The following ARHGAP23 variants were observed in gnomAD, a reference collection of about 807,000 sequenced individuals.
The protein encoded by ARHGAP23 is Rho GTPase activating protein 23, also known as rho GTPase-activating protein 23.
In ARHGAP23, 34 loss-of-function variants were observed where a neutral mutation model predicts 136.3. That is an observed-to-expected ratio of 0.25 (90% CI 0.19 to 0.33). The LOEUF is 0.33. ARHGAP23 is among the 10% of genes least tolerant of loss of function. The probability of loss-of-function intolerance (pLI) is 1.00; values close to 1 mark genes in which losing one functional copy is unlikely to be tolerated. For synonymous variants in ARHGAP23, 832 were observed against 920.5 expected (o/e 0.90, Z 1.74); for missense variants, 1,808 against 2,139.0 (o/e 0.85, Z 3.05).
chr17:38,460,664 T>A (rs1597786828), intron 2 of ARHGAP23, among the ~76,000 whole-genome samples: 1 of 152,172 alleles, frequency 6.6e-6, no homozygotes, highest in Non-Finnish European at 1.5e-5. Flanking sequence ...TTGGGTCACT[T>A]GTTGGATTGC....
In ARHGAP23 at chr17:38,435,802, T is replaced by C. The variant is rs139356058; in HGVS notation, c.63+7254T>C. On this transcript the variant is annotated intron_variant, in intron 1 of 23. Transcript: ENST00000622683. ...TTTTAGTAGAGATGGGCGTTCACCATGTTGGTCAGGCTGGTCTCAAACTCC... is the reference window on the plus strand; with the variant it reads ...TTTTAGTAGAGATGGGCGTTCACCACGTTGGTCAGGCTGGTCTCAAACTCC... Among the ~76,000 whole-genome samples the C allele has an allele frequency of 4.7e-3, 714 of 152,296 alleles. 7 individuals carry two copies. The highest frequency in any genetic ancestry group is 0.016 in the African/African-American group (663 of 41,552).
rs1376268521 is a variant in ARHGAP23, at chr17:38,486,154, G to A, written c.2986+14G>A. The A allele has an allele frequency of 1.9e-6, 3 of 1,549,924 alleles. No homozygotes were observed. Among genetic ancestry groups the A allele is most frequent in the Non-Finnish European group, 2.6e-6 (3 of 1,145,594 alleles). ...TTTTCACTGATGGTGAGTAGGAGGT[G>A]GAAGTGGGGCGGGGAGGGGACACCA... On this transcript the variant is annotated intron_variant, in intron 17 of 23. Coordinates refer to ENST00000622683, the MANE Select transcript of ARHGAP23 (RefSeq NM_001199417.2).
Position 38,477,888 on chromosome 17 carries a change from G to A in ARHGAP23, c.2428G>A (p.Glu810Lys), listed in dbSNP as rs2039935442. ...IRAIRENSRA[E>K]GEDPGCANQA... is the part of the protein sequence containing the mutation. The stretch of plus-strand genomic sequence containing the variant: ...AGCGATCCGGGAGAACAGCAGGGCC[G>A]AGGGCGAGGTGAGGGCCCGGCCAGC... The change falls in exon 12 of 24, where the codon GAG becomes AAG. Residue 810 changes from glutamate (E) to lysine (K), a missense_variant. By Grantham distance (56) the Glu-to-Lys change is moderately conservative. Coordinates refer to ENST00000622683, the MANE Select transcript of ARHGAP23 (RefSeq NM_001199417.2). This position sits in a 1 kb window ranked among gnomAD's most constrained non-coding sequence, Gnocchi z 6.6. 1 of 1,547,994 alleles carries A rather than the reference G, an allele frequency of 6.5e-7. No individual in the cohort carries two copies.
chr17:38,482,554 G>A lies in ARHGAP23; in HGVS notation c.2783G>A (p.Arg928His), dbSNP rs572206818. Residue 928 changes from arginine (R) to histidine (H), a missense_variant, in exon 16 of 24, where the codon CGC becomes CAC. Around this residue, in one of 7 missense-constraint regions of ARHGAP23, gnomAD observed 105 missense variants for 200.6 expected, o/e 0.52. Transcript: ENST00000622683. Reference protein sequence around the residue: ...RVPLIVAACCRIVEARGLEST... With the variant: ...RVPLIVAACCHIVEARGLEST... ...CCCTTAATCGTGGCTGCATGCTGTC[G>A]CATTGTGGAGGCACGAGGGCTGGAG... 15 of 1,548,912 alleles carry A rather than the reference G, an allele frequency of 9.7e-6. No individual in the cohort carries two copies. The highest frequency in any genetic ancestry group is 2.4e-5 in the South Asian group (2 of 83,908).
rs1466933539 is a variant in ARHGAP23, at chr17:38,419,281, T to TG, written n.3dup. ...TCGAGCGCTGACACCAGCCGCTACT[T>TG]GCGCTTGGCGGTCGCCGGGTGCAGC... is the stretch of plus-strand genomic sequence containing the variant. On this transcript the variant is annotated non_coding_transcript_exon_variant, in exon 1 of 5. Transcript: ENST00000633445. The TG allele has an allele frequency of 2.0e-5, 3 of 150,610 alleles. No homozygotes were observed. In the East Asian group the frequency reaches 6.1e-4, roughly 30 times the overall value. The allele number at this position is 150,610 out of a possible 1,614,324, so 9.3% of individuals were successfully genotyped here. A position where few individuals can be genotyped will look rare whatever the true frequency, so the allele number is the denominator to read the frequency against.
chr17:38,479,183 C>G (rs1821753667), intron 12 of ARHGAP23, among the ~76,000 whole-genome samples: 1 of 152,202 alleles, frequency 6.6e-6, no homozygotes, highest in Non-Finnish European at 1.5e-5. Context: ...GATTCTGCAC[C>G]CGGCCCTGAG....
chr17:38,434,590 C>G (rs1049576766), intron 1 of ARHGAP23, among the ~76,000 whole-genome samples: 1 of 152,126 alleles, frequency 6.6e-6, no homozygotes, highest in Admixed American at 6.5e-5. Context: ...GTGTGTGGGC[C>G]GGAGGAATGT....
At chr17:38,491,079 G>A (rs1266869411) in intron 19 of ARHGAP23, among the ~76,000 whole-genome samples, 5 of 74,360 alleles carry the variant, frequency 6.7e-5, no homozygotes, top group Admixed American at 5.7e-4. Flanking sequence ...GAAGTGATCG[G>A]ATTATTTCCC....
At position 38,464,933 on chromosome 17, in the gene ARHGAP23, G is replaced by A. The variant is rs572488165; in HGVS notation, c.484-1234G>A. Among the ~76,000 whole-genome samples, 41 of 152,302 alleles carry A rather than the reference G, an allele frequency of 2.7e-4. No homozygotes were observed. The East Asian group carries it at 5.4e-3, about 20-fold the overall frequency. On this transcript the variant is annotated intron_variant, in intron 6 of 23. Transcript: ENST00000622683. ...CAGCTGCTGACGCCACCACCGACGC[G>A]GCGAGGCCCCTCCACACCCATCCTC...
At chr17:38,459,580 AG>A (rs1369512178) in intron 2 of ARHGAP23, among the ~76,000 whole-genome samples, 2 of 152,126 alleles carry the variant, frequency 1.3e-5, no homozygotes, top group African/African-American at 4.8e-5. Context: ...TGCTGCCCCC[AG>A]CATCTTCTCT....
intron 11 of ARHGAP23, among the ~76,000 whole-genome samples, chr17:38,475,306 A>G (rs1713960808): frequency 6.6e-6 from 1 of 152,068 alleles, no homozygotes; most frequent in South Asian, 2.1e-4. Flanking sequence ...CAACTCTCTC[A>G]CTCATTTACC....
upstream of ARHGAP23, chr17:38,428,390 C>CCCA (rs1555574676): frequency 4.4e-6 from 2 of 453,804 alleles, no homozygotes; most frequent in Non-Finnish European, 6.7e-6. Context: ...GGGGCCCCCC[C>CCCA]ACACCGCGCT....
intron 1 of ARHGAP23, among the ~76,000 whole-genome samples, chr17:38,443,266 C>T (rs2038958741): frequency 6.6e-6 from 1 of 152,220 alleles, no homozygotes. Context: ...GGTGGAGAGC[C>T]AGGAGTTGCA....
At chr17:38,446,077 C>T (rs1450159796) in intron 1 of ARHGAP23, among the ~76,000 whole-genome samples, 2 of 149,624 alleles carry the variant, frequency 1.3e-5, no homozygotes, top group African/African-American at 2.5e-5. Context: ...TGTAGTGGCG[C>T]GATTTCAGCT....
intron 10 of ARHGAP23, 88 bp downstream of exon 10, chr17:38,469,992 G>C: frequency 6.8e-7 from 1 of 1,463,936 alleles, no homozygotes. Flanking sequence ...CCTCGGCATG[G>C]GGGTTCCTGC....
chr17:38,503,150 C>G (rs2040558280), intron 23 of ARHGAP23, among the ~76,000 whole-genome samples: 1 of 152,168 alleles, frequency 6.6e-6, no homozygotes, highest in Admixed American at 6.6e-5. Context: ...AGAGCTGGGC[C>G]CAGAGCCCGT....
At position 38,466,331 on chromosome 17, in the gene ARHGAP23, C is replaced by T; in HGVS notation, c.648C>T (p.Pro216=). ...TGCCTGAGCCCACCTCAGCACTGCC[C>T]AGTGACCCCCGGAGTCCTGCTGCCT... The part of the protein sequence containing the change: ...TMVPEPTSAL[P]SDPRSPAAWS... Residue 216 remains proline (P), a synonymous_variant, in exon 7 of 24, where the codon CCC becomes CCT. Coordinates refer to ENST00000622683, the MANE Select transcript of ARHGAP23 (RefSeq NM_001199417.2). The T allele has an allele frequency of 1.3e-6, 2 of 1,544,474 alleles. No homozygotes were observed. Among genetic ancestry groups the T allele is most frequent in the Non-Finnish European group, 1.7e-6 (2 of 1,146,602 alleles).
At position 38,428,520 on chromosome 17, in the gene ARHGAP23, C is replaced by T. The variant is rs990867505; in HGVS notation, c.35C>T (p.Pro12Leu). Residue 12 changes from proline to leucine, a missense_variant, in exon 1 of 24, where the codon CCG (proline) becomes CTG (leucine). Coordinates refer to ENST00000622683, the MANE Select transcript of ARHGAP23 (RefSeq NM_001199417.2). ...GTCGCCTTCTGCCTGGTCGGGATCC[C>T]GCCCCGCCCGGAGCCCCGGCCCCCA... ...NGVAFCLVGI[P>L]PRPEPRPPQL... 35 of 1,455,174 alleles carry T rather than the reference C, an allele frequency of 2.4e-5. No individual in the cohort carries two copies. Among genetic ancestry groups the T allele is most frequent in the Non-Finnish European group, 3.1e-5 (34 of 1,107,366 alleles). 90.1% of individuals were successfully genotyped at this position (1,455,174 alleles called of 1,614,324 possible).
chr17:38,495,501 G>A (rs1181655811), intron 20 of ARHGAP23, among the ~76,000 whole-genome samples: 1 of 152,134 alleles, frequency 6.6e-6, no homozygotes, highest in Admixed American at 6.5e-5. Context: ...CCAAAGTGCT[G>A]GGACTATAGG....
Sources: allele counts gnomAD v4.1 joint callset (sites outside exome capture counted in the v4.1 genomes callset), GRCh38; gene constraint gnomAD v4.1.1; regional missense constraint gnomAD v4.1.1; non-coding constraint Gnocchi (gnomAD v3.1); transcripts MANE v1.5; gene names NCBI Gene and HGNC (gene_info 2026-07-23, HGNC 2026-07-21).